DISC1: variants seen among roughly 807,000 people sequenced by gnomAD.
DISC1 encodes the protein disrupted in schizophrenia 1 protein.
Under a neutral mutation model 84.5 loss-of-function variants are expected in DISC1, and 57 were observed. The observed-to-expected ratio is 0.67, with a 90% CI of 0.55 to 0.84. DISC1 has a LOEUF of 0.84. DISC1 is among the 40% of genes least tolerant of loss of function. DISC1 has a pLI of 0.00. For synonymous variants in DISC1, 411 were observed against 415.2 expected, an observed-to-expected ratio of 0.99 and a Z score of 0.12; for missense variants, 1,000 against 1,057.8, an observed-to-expected ratio of 0.95 and a Z score of 0.76.
intron 7 of DISC1, 87 bp downstream of exon 7, chr1:231,795,383 G>C (rs562041676): frequency 8.3e-7 from 1 of 1,206,422 alleles, no homozygotes; most frequent in Non-Finnish European, 1.2e-6. Context: ...AGGATACCTG[G>C]CTTCTGCAAA....
At chr1:231,879,041 C>T (rs2086091281) in intron 9 of DISC1, among the ~76,000 whole-genome samples, 1 of 151,486 alleles carries the variant, frequency 6.6e-6, no homozygotes, top group African/African-American at 2.4e-5. Context: ...AACAGTACTA[C>T]AGGTTGAGTA....
intron 6 of DISC1, chr1:231,774,944 A>G: frequency 2.8e-6 from 1 of 354,480 alleles, no homozygotes; most frequent in East Asian, 7.6e-5. Flanking sequence ...CAGTAGGTAT[A>G]TTTAGCCAAA....
intron 1 of DISC1, among the ~76,000 whole-genome samples, chr1:231,672,146 G>A (rs1384111134): frequency 1.3e-5 from 2 of 151,798 alleles, no homozygotes; most frequent in East Asian, 3.9e-4. Context: ...CTTAGATTCT[G>A]TTTTTTTTCT....
intron 10 of DISC1, among the ~76,000 whole-genome samples, chr1:231,988,745 A>C (rs1664796677): frequency 6.6e-6 from 1 of 152,260 alleles, no homozygotes. Flanking sequence ...ACTGGAACAG[A>C]CTAAGACAGA....
intron 3 of DISC1, among the ~76,000 whole-genome samples, chr1:231,724,711 G>A (rs1185145577): frequency 6.6e-6 from 1 of 152,180 alleles, no homozygotes; most frequent in Non-Finnish European, 1.5e-5. Context: ...CTTAAACAGT[G>A]AGGTGCCCTG....
chr1:231,976,990 T>C (rs962174208), intron 10 of DISC1, among the ~76,000 whole-genome samples: 2 of 152,138 alleles, frequency 1.3e-5, no homozygotes, highest in Admixed American at 1.3e-4. Context: ...TTAACAAGAA[T>C]ATGTAAGGCA....
intron 9 of DISC1, among the ~76,000 whole-genome samples, chr1:231,904,603 G>A (rs748661206): frequency 1.2e-4 from 19 of 152,162 alleles, no homozygotes; most frequent in Non-Finnish European, 2.4e-4. Flanking sequence ...ATGTACACAT[G>A]CATTTATATG....
At chr1:231,870,749 T>A (rs944115509) in intron 9 of DISC1, among the ~76,000 whole-genome samples, 1 of 152,246 alleles carries the variant, frequency 6.6e-6, no homozygotes, top group African/African-American at 2.4e-5. Context: ...TTACAAACTC[T>A]GTTTTTAGAG....
At chr1:231,794,765 A>G (rs1424755108) in intron 6 of DISC1, among the ~76,000 whole-genome samples, 1 of 152,030 alleles carries the variant, frequency 6.6e-6, no homozygotes, top group Non-Finnish European at 1.5e-5. Context: ...TCTCAGACAT[A>G]CTTTAAATAT....
chr1:231,660,245 G>T (rs190504051), intron 1 of DISC1, among the ~76,000 whole-genome samples: 3 of 152,028 alleles, frequency 2.0e-5, no homozygotes, highest in Admixed American at 1.3e-4. Flanking sequence ...TATATTTTTT[G>T]ATCTTTGTTG....
intron 3 of DISC1, among the ~76,000 whole-genome samples, chr1:231,708,234 T>G (rs1376822390): frequency 6.6e-6 from 1 of 152,162 alleles, no homozygotes; most frequent in Non-Finnish European, 1.5e-5. Context: ...AGGGAAGATC[T>G]GTGTTTAATG....
chr1:231,715,788 A>G (rs1355383967), intron 3 of DISC1, among the ~76,000 whole-genome samples: 1 of 152,176 alleles, frequency 6.6e-6, no homozygotes, highest in Non-Finnish European at 1.5e-5. Context: ...TTATTTACAT[A>G]TTTAGTTTTA....
At chr1:231,722,410 T>C in intron 3 of DISC1, 1 of 1,459,224 alleles carries the variant, frequency 6.9e-7, no homozygotes, top group Non-Finnish European at 9.4e-7. Context: ...AAATAGATCT[T>C]TCTACTTATC....
At chr1:231,943,528 G>A (rs1481487190) in intron 9 of DISC1, among the ~76,000 whole-genome samples, 2 of 152,162 alleles carry the variant, frequency 1.3e-5, no homozygotes, top group African/African-American at 4.8e-5. Context: ...GAGGTGGTTG[G>A]GGGTGTGGGT....
intron 6 of DISC1, among the ~76,000 whole-genome samples, chr1:231,774,004 T>A (rs1046425873): frequency 6.6e-6 from 1 of 152,020 alleles, no homozygotes; most frequent in African/African-American, 2.4e-5. Flanking sequence ...GGCTCACACC[T>A]ATAATCCCAG....
At chr1:232,023,227 TTCA>T (rs1391318290) in intron 11 of DISC1, among the ~76,000 whole-genome samples, 2 of 152,208 alleles carry the variant, frequency 1.3e-5, no homozygotes, top group African/African-American at 2.4e-5. Flanking sequence ...TTTGAGTTAT[TTCA>T]TCATCATTAA....
At chr1:231,963,769 A>C (rs1471378455) in intron 10 of DISC1, among the ~76,000 whole-genome samples, 1 of 152,186 alleles carries the variant, frequency 6.6e-6, no homozygotes, top group African/African-American at 2.4e-5. Flanking sequence ...TCACGTCTCC[A>C]ACAACTGAGC....
intron 3 of DISC1, among the ~76,000 whole-genome samples, chr1:231,733,970 A>G (rs1453313967): frequency 6.8e-6 from 1 of 147,276 alleles, no homozygotes; most frequent in Non-Finnish European, 1.5e-5. Flanking sequence ...GGGTAGTAGG[A>G]GTGGTGATGA....
At chr1:231,923,958 T>C (rs762210516) in intron 9 of DISC1, among the ~76,000 whole-genome samples, 3 of 152,218 alleles carry the variant, frequency 2.0e-5, no homozygotes, top group Non-Finnish European at 4.4e-5. Context: ...TCTGAAGTTG[T>C]ACAACGGAGC....
Sources: allele counts gnomAD v4.1 joint callset (sites outside exome capture counted in the v4.1 genomes callset), GRCh38; gene constraint gnomAD v4.1.1; transcripts MANE v1.5; gene names NCBI Gene and HGNC (gene_info 2026-07-23, HGNC 2026-07-21).